The following HYDIN variants were observed in gnomAD, a reference collection of about 807,000 sequenced individuals.
The protein encoded by HYDIN is HYDIN axonemal central pair apparatus protein.
In HYDIN, 132 loss-of-function variants were observed where a neutral mutation model predicts 403.9. That is an observed-to-expected ratio of 0.33 (90% CI 0.28 to 0.38). HYDIN has a LOEUF of 0.38. Among genes scored for constraint, HYDIN ranks in the 10% least tolerant of loss-of-function variants. The probability of loss-of-function intolerance (pLI) is 1.00; values close to 1 mark genes in which losing one functional copy is unlikely to be tolerated. For synonymous variants in HYDIN, 1,202 were observed against 1,891.7 expected, an observed-to-expected ratio of 0.64 and a Z score of 9.46; for missense variants, 2,827 against 5,009.5, an observed-to-expected ratio of 0.56 and a Z score of 13.15.
chr16:70,880,556 C>T (rs1228363631), intron 60 of HYDIN, among the ~76,000 whole-genome samples: 1 of 152,144 alleles, frequency 6.6e-6, no homozygotes, highest in African/African-American at 2.4e-5. Context: ...GTCCCGGCCA[C>T]GTGATGTGTT....
At chr16:71,190,606 ACCATTTTGCAGC>A (rs1309451001) in intron 1 of HYDIN, among the ~76,000 whole-genome samples, 1 of 152,230 alleles carries the variant, frequency 6.6e-6, no homozygotes, top group African/African-American at 2.4e-5. Flanking sequence ...AAAAATAATT[ACCATTTTGCAGC>A]CCCTAATGAA....
chr16:70,849,328 C>T lies in HYDIN; in HGVS notation c.12873+398G>A, dbSNP rs555025962. Among the ~76,000 whole-genome samples, 375 of 151,872 alleles carry T rather than the reference C, an allele frequency of 2.5e-3. 7 individuals carry two copies. The highest frequency in any genetic ancestry group is 8.9e-3 in the African/African-American group (368 of 41,460). ...TTCAGAGTTCTGAAAAAGTTGATTTCGAAAATTTTTTCCAGTGGTCTCATT... is the reference window on the plus strand; with the variant it reads ...TTCAGAGTTCTGAAAAAGTTGATTTTGAAAATTTTTTCCAGTGGTCTCATT... On this transcript the variant is annotated intron_variant, in intron 75 of 85. Coordinates refer to ENST00000393567, the MANE Select transcript of HYDIN (RefSeq NM_001270974.2).
At chr16:71,206,352 G>A (rs917798394) in intron 1 of HYDIN, among the ~76,000 whole-genome samples, 4 of 152,104 alleles carry the variant, frequency 2.6e-5, no homozygotes, top group African/African-American at 9.7e-5. Flanking sequence ...GACTAGAATC[G>A]AAGCCAGTCA....
chr16:70,834,281 C>T, intron 78 of HYDIN, 117 bp from the exon 79 acceptor site: 1 of 634,508 alleles, frequency 1.6e-6, no homozygotes, highest in South Asian at 1.9e-5. Context: ...CCTGCTCTCC[C>T]ATCAGCTGTG....
At chr16:71,026,655 C>G (rs1241723681) in intron 20 of HYDIN, among the ~76,000 whole-genome samples, 2 of 152,230 alleles carry the variant, frequency 1.3e-5, no homozygotes, top group Non-Finnish European at 2.9e-5. Flanking sequence ...AGAGAAGGAA[C>G]ACATTATCTT....
chr16:71,228,815 C>T (rs1216946721), intron 1 of HYDIN, among the ~76,000 whole-genome samples: 1 of 152,016 alleles, frequency 6.6e-6, no homozygotes, highest in Non-Finnish European at 1.5e-5. Flanking sequence ...GGTATATGCC[C>T]AAAGGATTAT....
At chr16:70,894,386 A>G (rs1415118605) in intron 55 of HYDIN, 63 bp downstream of exon 55, 5 of 1,607,210 alleles carry the variant, frequency 3.1e-6, no homozygotes, top group African/African-American at 1.3e-5. Flanking sequence ...ACGATCTCAT[A>G]TTTCCCCACA....
At chr16:71,000,121 T>C (rs1444844432) in intron 23 of HYDIN, among the ~76,000 whole-genome samples, 5 of 151,764 alleles carry the variant, frequency 3.3e-5, no homozygotes, top group African/African-American at 9.7e-5. Flanking sequence ...TTTTAATTAA[T>C]ATGAACATGT....
chr16:70,890,382 T>C (rs899536821), intron 57 of HYDIN, among the ~76,000 whole-genome samples: 2 of 152,148 alleles, frequency 1.3e-5, no homozygotes, highest in Non-Finnish European at 2.9e-5. Context: ...TAAAAACCAA[T>C]GTAAAGCAAA....
At chr16:71,111,696 C>A (rs1207111159) in intron 10 of HYDIN, among the ~76,000 whole-genome samples, 1 of 152,160 alleles carries the variant, frequency 6.6e-6, no homozygotes, top group Non-Finnish European at 1.5e-5. Context: ...CTCCTGCCGT[C>A]TTTCCTGATT....
intron 5 of HYDIN, among the ~76,000 whole-genome samples, chr16:71,172,916 T>C (rs948232768): frequency 2.6e-5 from 4 of 152,202 alleles, no homozygotes; most frequent in African/African-American, 7.2e-5. Context: ...CTAAAATAAA[T>C]CTGGCTCTAG....
intron 41 of HYDIN, among the ~76,000 whole-genome samples, chr16:70,951,543 G>C (rs1037015840): frequency 6.6e-6 from 1 of 151,652 alleles, no homozygotes; most frequent in Admixed American, 6.6e-5. Flanking sequence ...TCTCCACTTG[G>C]CTTCTCCCAC....
intron 45 of HYDIN, 94 bp from the exon 46 acceptor site, chr16:70,921,311 G>A: frequency 6.9e-7 from 1 of 1,442,450 alleles, no homozygotes; most frequent in Non-Finnish European, 9.3e-7. Context: ...TGTCTCATGA[G>A]AAGGTCTCCG....
chr16:71,225,625 T>A (rs756271989), intron 1 of HYDIN, among the ~76,000 whole-genome samples: 10 of 152,130 alleles, frequency 6.6e-5, no homozygotes, highest in Non-Finnish European at 1.0e-4. Context: ...TATTGTGGGA[T>A]GAAACACAGA....
intron 58 of HYDIN, among the ~76,000 whole-genome samples, chr16:70,888,583 G>A (rs889599391): frequency 6.7e-6 from 1 of 150,148 alleles, no homozygotes; most frequent in African/African-American, 2.5e-5. Context: ...ATTCCAGCAG[G>A]GGATGGGGGA....
intron 9 of HYDIN, among the ~76,000 whole-genome samples, chr16:71,126,248 A>G (rs574383157): frequency 1.3e-5 from 2 of 152,290 alleles, no homozygotes; most frequent in East Asian, 3.9e-4. Flanking sequence ...AATTTTCCCA[A>G]TTGGAAACAT....
At chr16:70,848,826 C>G in intron 75 of HYDIN, among the ~76,000 whole-genome samples, 1 of 119,144 alleles carries the variant, frequency 8.4e-6, no homozygotes, top group Admixed American at 9.2e-5. Context: ...ACATGCATGG[C>G]TGTCTAGATT....
chr16:71,072,396 T>C (rs1384784266), intron 13 of HYDIN, among the ~76,000 whole-genome samples: 2 of 152,074 alleles, frequency 1.3e-5, no homozygotes, highest in Non-Finnish European at 2.9e-5. Context: ...TGTAAATTCT[T>C]TGGATGGGTT....
intron 18 of HYDIN, among the ~76,000 whole-genome samples, chr16:71,053,348 C>CA (rs1937147571): frequency 6.6e-6 from 1 of 152,228 alleles, no homozygotes; most frequent in Non-Finnish European, 1.5e-5. Context: ...TGTATATACC[C>CA]AAAAACTCTT....
Sources: gnomAD v4.1 joint callset for allele counts (sites outside exome capture counted in the v4.1 genomes callset) on GRCh38, gnomAD v4.1.1 for gene constraint, MANE v1.5 for transcripts, NCBI Gene and HGNC (gene_info 2026-07-23, HGNC 2026-07-21) for gene names.